RESP18: variants seen among roughly 807,000 people sequenced by gnomAD.
The protein encoded by RESP18 is regulated endocrine-specific protein 18.
In RESP18, 30 loss-of-function variants were observed where a neutral mutation model predicts 30.0. The observed-to-expected ratio is 1.00, with a 90% CI of 0.75 to 1.36. The LOEUF (loss-of-function observed/expected upper bound fraction) is 1.36, where lower values mean the gene tolerates loss of function less well. Ranked by LOEUF, RESP18 falls within the 40% of genes most tolerant of loss-of-function variation. The probability of loss-of-function intolerance (pLI) is 0.00; values close to 1 mark genes in which losing one functional copy is unlikely to be tolerated. For missense variants in RESP18, 320 were observed against 284.2 expected, an observed-to-expected ratio of 1.13 and a Z score of -0.91; for synonymous variants, 117 against 111.2, an observed-to-expected ratio of 1.05 and a Z score of -0.33.
intron 4 of RESP18, 156 bp downstream of exon 3, chr2:219,329,481 T>C: frequency 6.5e-7 from 1 of 1,549,196 alleles, no homozygotes; most frequent in African/African-American, 1.4e-5. Flanking sequence ...ATATCACTAA[T>C]GGATCATGAA....
rs1439860434 is a variant in RESP18 at position 219,329,302 on chromosome 2, G to C, written c.466-50C>G. Reference sequence around the variant, plus strand: ...AAGGAGGAGGCAGAAAAGGGTGAGAGGGCCCCACAGGAAAAGCAATTGGAT... The same window carrying C: ...AAGGAGGAGGCAGAAAAGGGTGAGACGGCCCCACAGGAAAAGCAATTGGAT... On this transcript the variant is annotated intron_variant, in intron 4 of 6. Transcript: ENST00000333527. The C allele has an allele frequency of 5.2e-6, 8 of 1,551,608 alleles. No individual in the cohort carries two copies. In the East Asian group the frequency reaches 2.0e-4, roughly 38 times the overall value.
At chr2:219,330,903 G>C (rs1343363118) in intron 2 of RESP18, 28 bp from the exon 2 acceptor site, 1 of 1,376,832 alleles carries the variant, frequency 7.3e-7, no homozygotes, top group East Asian at 2.5e-5. Context: ...GTGTCAGCAA[G>C]GAACCTGGCC....
chr2:219,328,755 A>G (rs1259775384), intron 6 of RESP18, among the ~76,000 whole-genome samples, 169 bp downstream of exon 5: 1 of 152,218 alleles, frequency 6.6e-6, no homozygotes, highest in Non-Finnish European at 1.5e-5. Flanking sequence ...TGCCCAGGCC[A>G]TAGAGTAGAG....
Position 219,332,658 on chromosome 2 carries a change from G to A in RESP18, c.98C>T (p.Pro33Leu), listed in dbSNP as rs1329929503. The A allele has an allele frequency of 9.7e-6, 15 of 1,551,260 alleles. No individual in the cohort carries two copies. Among genetic ancestry groups the A allele is most frequent in the Non-Finnish European group, 1.3e-5 (15 of 1,146,950 alleles). ...CCCAGGCTCGGCGCGCTCACTCCCC[G>A]GCCAAGTCTCAGTGAAGGTAGCGGC... The change falls in exon 2 of 7, where the codon CCG becomes CTG. Residue 33 changes from proline (P) to leucine (L), a missense_variant. Transcript: ENST00000333527.
At chr2:219,331,592 GCCT>G (rs1043679124) in intron 2 of RESP18, among the ~76,000 whole-genome samples, 5 of 152,190 alleles carry the variant, frequency 3.3e-5, no homozygotes, top group Admixed American at 6.5e-5. Flanking sequence ...GGATGAGAAA[GCCT>G]CCTTAAGGAA....
chr2:219,327,590 A>G, intron 6 of RESP18, 27 bp from the exon 6 acceptor site: 3 of 1,547,952 alleles, frequency 1.9e-6, no homozygotes, highest in Non-Finnish European at 2.6e-6. Context: ...CAAGGGAGCT[A>G]GAGTCAGGAT....
At chr2:219,328,850 G>A (rs760366940) in intron 6 of RESP18, 74 bp downstream of exon 5, 101 of 874,414 alleles carry the variant, frequency 1.2e-4, no homozygotes, top group Non-Finnish European at 1.8e-4. Flanking sequence ...ATATACAAGG[G>A]CATATATGGC....
At chr2:219,329,113 C>T (rs927507980) in intron 5 of RESP18, 50 bp downstream of exon 4, 1 of 1,510,146 alleles carries the variant, frequency 6.6e-7, no homozygotes, top group Non-Finnish European at 9.0e-7. Flanking sequence ...TCCTATCTGC[C>T]TCCCTCATTT....
At chr2:219,330,445 G>A (rs868179406) in intron 3 of RESP18, among the ~76,000 whole-genome samples, 5 of 151,876 alleles carry the variant, frequency 3.3e-5, no homozygotes, top group Admixed American at 2.6e-4. Flanking sequence ...CTGAGAACTT[G>A]AAGAGTCCTG....
chr2:219,329,791 G>A (rs907075815), intron 3 of RESP18, 27 bp from the exon 3 acceptor site: 5 of 1,544,810 alleles, frequency 3.2e-6, no homozygotes, highest in Non-Finnish European at 4.4e-6. Context: ...TGGGGGGTGA[G>A]TTGACACCTG....
intron 3 of RESP18, 128 bp downstream of exon 2, chr2:219,330,643 T>C (rs1952820447): frequency 1.7e-6 from 1 of 588,748 alleles, no homozygotes; most frequent in Non-Finnish European, 3.0e-6. Flanking sequence ...CCCATGGGGG[T>C]AAATGTGACA....
chr2:219,331,961 C>T (rs754160328), intron 2 of RESP18, among the ~76,000 whole-genome samples: 14 of 152,238 alleles, frequency 9.2e-5, no homozygotes, highest in Non-Finnish European at 1.9e-4. Flanking sequence ...AGTTTGCGCT[C>T]TCTTCCCCAT....
At position 219,332,410 on chromosome 2, in the gene RESP18, C is replaced by A. The variant is rs1952840695; in HGVS notation, c.232+114G>T. Reference sequence around the variant, plus strand: ...TGTCTACCTTTTTCTCTTCTCACGTCCTTAAGCACATTCTTTTACTTCCAA... The same window carrying A: ...TGTCTACCTTTTTCTCTTCTCACGTACTTAAGCACATTCTTTTACTTCCAA... On this transcript the variant is annotated intron_variant, in intron 2 of 6. Transcript: ENST00000333527. The A allele has an allele frequency of 1.2e-5, 9 of 760,338 alleles. No individual in the cohort carries two copies. The South Asian group carries it at 1.4e-4, about 12-fold the overall frequency. 47.1% of individuals were successfully genotyped at this position (760,338 alleles called of 1,614,324 possible).
intron 2 of RESP18, among the ~76,000 whole-genome samples, chr2:219,332,004 G>T (rs1025373220): frequency 2.0e-5 from 3 of 152,222 alleles, no homozygotes; most frequent in African/African-American, 7.2e-5. Context: ...AGTGTGCGCA[G>T]TCTGGCACGT....
At chr2:219,332,032 A>G (rs1216423704) in intron 2 of RESP18, among the ~76,000 whole-genome samples, 1 of 152,114 alleles carries the variant, frequency 6.6e-6, no homozygotes, top group Non-Finnish European at 1.5e-5. Context: ...CGCGGGGTCT[A>G]CGCGGATTGG....
chr2:219,331,002 T>A (rs1952825310), intron 2 of RESP18, 127 bp from the exon 2 acceptor site: 2 of 629,782 alleles, frequency 3.2e-6, no homozygotes, highest in African/African-American at 1.9e-5. Context: ...ACCAGGCCGC[T>A]TTGTCCACTT....
chr2:219,331,166 C>A, intron 2 of RESP18: 1 of 292,874 alleles, frequency 3.4e-6, no homozygotes, highest in Non-Finnish European at 6.4e-6. Flanking sequence ...GAAAGCTGAG[C>A]ACATGGGAAT....
chr2:219,327,457 GCTC>G lies in RESP18; in HGVS notation c.*57_*59del. ...TTCAAATCTGGGTCATCCAAGAACT[GCTC>G]CTCTGAAGGGCAATGGGAAGGGTGC... On this transcript the variant is annotated 3_prime_UTR_variant, in exon 7 of 7. Coordinates refer to ENST00000333527, the MANE Select transcript of RESP18 (RefSeq NM_001007089.4). 1 of 1,422,652 alleles carries G rather than the reference GCTC, an allele frequency of 7.0e-7. No individual in the cohort carries two copies. Among genetic ancestry groups the G allele is most frequent in the South Asian group, 1.2e-5 (1 of 81,394 alleles). 88.1% of individuals were successfully genotyped at this position (1,422,652 alleles called of 1,614,324 possible). A position where few individuals can be genotyped will look rare whatever the true frequency, so the allele number is the denominator to read the frequency against.
intron 2 of RESP18, among the ~76,000 whole-genome samples, chr2:219,332,239 C>T (rs1489021235): frequency 6.6e-6 from 1 of 152,178 alleles, no homozygotes; most frequent in Non-Finnish European, 1.5e-5. Flanking sequence ...TCTCCTGTGG[C>T]CACATAGGCC....
Sources: gnomAD v4.1 joint callset for allele counts (sites outside exome capture counted in the v4.1 genomes callset) on GRCh38, gnomAD v4.1.1 for gene constraint, MANE v1.5 for transcripts, NCBI Gene and HGNC (gene_info 2026-07-23, HGNC 2026-07-21) for gene names.